RBFOX1: variants seen among roughly 807,000 people sequenced by gnomAD.
The protein encoded by RBFOX1 is RNA binding fox-1 homolog 1.
A neutral mutation model predicts 57.7 loss-of-function variants in RBFOX1; 8 were observed. The observed-to-expected ratio is 0.14, with a 90% CI of 0.08 to 0.25. The LOEUF (loss-of-function observed/expected upper bound fraction) is 0.25, where lower values mean the gene tolerates loss of function less well. Ranked by LOEUF, RBFOX1 falls within the 10% of genes least tolerant of loss-of-function variation. The pLI is 1.00. For synonymous variants in RBFOX1, 326 were observed against 222.4 expected (o/e 1.47, Z -4.15); for missense variants, 611 against 548.5 (o/e 1.11, Z -1.14).
At chr16:6,346,404 T>C (rs2085372365) in intron 2 of RBFOX1, among the ~76,000 whole-genome samples, 1 of 152,204 alleles carries the variant, frequency 6.6e-6, no homozygotes, top group African/African-American at 2.4e-5. Flanking sequence ...CTTGGGAATG[T>C]GAGTCTGTAA....
intron 15 of RBFOX1, chr16:7,709,935 C>T (rs984504309): frequency 2.9e-6 from 3 of 1,028,268 alleles, no homozygotes; most frequent in South Asian, 8.0e-5. Flanking sequence ...CAGTCCTTAC[C>T]CTAAAAATGA....
chr16:6,061,991 C>G (rs1005980951), intron 1 of RBFOX1, among the ~76,000 whole-genome samples: 7 of 152,148 alleles, frequency 4.6e-5, no homozygotes, highest in East Asian at 1.9e-4. Flanking sequence ...TCCCATGTCC[C>G]TTCCCTGGGT....
chr16:6,080,370 C>T (rs1333877150), intron 1 of RBFOX1, among the ~76,000 whole-genome samples: 1 of 152,134 alleles, frequency 6.6e-6, no homozygotes, highest in African/African-American at 2.4e-5. Context: ...TAAGTTCAGC[C>T]AGTGTGTGAA....
intron 4 of RBFOX1, among the ~76,000 whole-genome samples, chr16:7,141,803 A>G (rs1202862718): frequency 6.6e-6 from 1 of 152,034 alleles, no homozygotes; most frequent in African/African-American, 2.4e-5. Context: ...GGTCCATCAT[A>G]TTGACGACCG....
At chr16:5,936,788 GCAGCAGAGA>G (rs2059176942) in intron 4 of RBFOX1, among the ~76,000 whole-genome samples, 1 of 152,192 alleles carries the variant, frequency 6.6e-6, no homozygotes, top group Non-Finnish European at 1.5e-5. Context: ...AATTGTTTCT[GCAGCAGAGA>G]CAGCACATGC....
intron 3 of RBFOX1, among the ~76,000 whole-genome samples, chr16:6,800,632 C>A (rs143260200): frequency 4.7e-4 from 72 of 152,146 alleles, no homozygotes; most frequent in African/African-American, 1.4e-3. Flanking sequence ...TTTTTTAATT[C>A]TTTGCAATTA....
At chr16:6,236,695 C>A (rs1246903014) in intron 1 of RBFOX1, among the ~76,000 whole-genome samples, 2 of 152,158 alleles carry the variant, frequency 1.3e-5, no homozygotes, top group Non-Finnish European at 1.5e-5. Flanking sequence ...GGATGATCCA[C>A]CCACCTCAGA....
chr16:6,066,673 C>T (rs1014571524), intron 1 of RBFOX1, among the ~76,000 whole-genome samples: 3 of 152,150 alleles, frequency 2.0e-5, no homozygotes, highest in African/African-American at 7.2e-5. Context: ...AGGTGGAAGT[C>T]TCCCGAAATA....
At chr16:5,429,137 C>T (rs2067652526) in intron 1 of RBFOX1, among the ~76,000 whole-genome samples, 1 of 152,130 alleles carries the variant, frequency 6.6e-6, no homozygotes, top group African/African-American at 2.4e-5. Context: ...CTGACTCAGC[C>T]CTGCAGTGTT....
intron 2 of RBFOX1, among the ~76,000 whole-genome samples, chr16:6,408,997 T>G (rs2093373766): frequency 6.6e-6 from 1 of 152,218 alleles, no homozygotes; most frequent in Non-Finnish European, 1.5e-5. Context: ...TTCTGTTTTG[T>G]TCATCAATGC....
chr16:6,538,907 C>A (rs1272689104), intron 2 of RBFOX1, among the ~76,000 whole-genome samples: 3 of 152,056 alleles, frequency 2.0e-5, no homozygotes, highest in African/African-American at 4.8e-5. Flanking sequence ...AGTGATTTTA[C>A]CATTGTCTGT....
chr16:5,871,806 G>T (rs2057480158), intron 4 of RBFOX1, among the ~76,000 whole-genome samples: 1 of 152,292 alleles, frequency 6.6e-6, no homozygotes, highest in Admixed American at 6.5e-5. Flanking sequence ...ATACTTTAAT[G>T]GCAATGTAAA....
chr16:6,264,944 T>G (rs1024448123), intron 1 of RBFOX1, among the ~76,000 whole-genome samples: 1 of 152,210 alleles, frequency 6.6e-6, no homozygotes, highest in African/African-American at 2.4e-5. Context: ...CTCCGAGTTC[T>G]GTGTGTGGGA....
intron 3 of RBFOX1, among the ~76,000 whole-genome samples, chr16:6,751,159 T>C (rs1031391709): frequency 4.7e-4 from 71 of 152,180 alleles, no homozygotes; most frequent in African/African-American, 1.7e-3. Flanking sequence ...TCATTTACTT[T>C]ACATTTTATT....
At chr16:6,692,117 G>C (rs1167770059) in intron 3 of RBFOX1, among the ~76,000 whole-genome samples, 3 of 152,304 alleles carry the variant, frequency 2.0e-5, no homozygotes, top group East Asian at 1.9e-4. Flanking sequence ...TTTTAAGTAA[G>C]TTTAATTAAG....
intron 2 of RBFOX1, among the ~76,000 whole-genome samples, chr16:5,555,548 G>A (rs2045636625): frequency 6.6e-6 from 1 of 152,060 alleles, no homozygotes; most frequent in Non-Finnish European, 1.5e-5. Context: ...ACTGCACGGG[G>A]CCTTGCAATT....
At chr16:6,528,439 G>C (rs550844753) in intron 2 of RBFOX1, among the ~76,000 whole-genome samples, 123 of 152,238 alleles carry the variant, frequency 8.1e-4, no homozygotes, top group African/African-American at 2.9e-3. Context: ...ACATGACCTT[G>C]ACTTTCTCCT....
intron 1 of RBFOX1, among the ~76,000 whole-genome samples, chr16:6,023,257 AT>A (rs2095119950): frequency 1.7e-5 from 2 of 118,214 alleles, no homozygotes; most frequent in African/African-American, 6.9e-5. Flanking sequence ...TCTTCTCATT[AT>A]AATTGAAGCT....
chr16:5,548,373 TA>T (rs1173236509), intron 2 of RBFOX1, among the ~76,000 whole-genome samples: 1 of 151,138 alleles, frequency 6.6e-6, no homozygotes, highest in Non-Finnish European at 1.5e-5. Flanking sequence ...TCCCTGAATC[TA>T]AAATAAAAGT....
Sources: gnomAD v4.1 joint callset for allele counts (sites outside exome capture counted in the v4.1 genomes callset) on GRCh38, gnomAD v4.1.1 for gene constraint, MANE v1.5 for transcripts, NCBI Gene and HGNC (gene_info 2026-07-23, HGNC 2026-07-21) for gene names.